The following ATP6V1E2 variants were observed in gnomAD, a reference collection of about 807,000 sequenced individuals.
The protein encoded by ATP6V1E2 is ATPase H+ transporting V1 subunit E2.
For missense variants in ATP6V1E2, 308 were observed against 273.3 expected, an observed-to-expected ratio of 1.13 and a Z score of -0.90; for synonymous variants, 121 against 104.2, an observed-to-expected ratio of 1.16 and a Z score of -0.98.
Position 46,511,977 on chromosome 2 carries a change from A to T in ATP6V1E2, c.*54T>A. The T allele has an allele frequency of 1.3e-6, 2 of 1,498,956 alleles. No individual in the cohort carries two copies. The highest frequency in any genetic ancestry group is 1.8e-6 in the Non-Finnish European group (2 of 1,122,152). 92.9% of individuals were successfully genotyped at this position (1,498,956 alleles called of 1,614,324 possible). On this transcript the variant is annotated 3_prime_UTR_variant, in exon 5 of 5. Transcript: ENST00000522587. Reference sequence around the variant, plus strand: ...ACACTACTAGTTTCCTTTCCCCAAAAAACTTAAACTTTTATGGTTTAGTGG... The same window carrying T: ...ACACTACTAGTTTCCTTTCCCCAAATAACTTAAACTTTTATGGTTTAGTGG...
At chr2:46,517,220 C>A (rs1273332510) in intron 4 of ATP6V1E2, among the ~76,000 whole-genome samples, 1 of 152,120 alleles carries the variant, frequency 6.6e-6, no homozygotes, top group Non-Finnish European at 1.5e-5. Context: ...GGTGCCAAGA[C>A]TACATAATGG....
chr2:46,531,333 T>G (rs1667171510), intron 4 of ATP6V1E2, among the ~76,000 whole-genome samples: 1 of 152,218 alleles, frequency 6.6e-6, no homozygotes, highest in South Asian at 2.1e-4. Flanking sequence ...TTTTTGAGAT[T>G]CATCCACATT....
At chr2:46,518,903 G>T (rs1666459646) in intron 4 of ATP6V1E2, 1 of 151,954 alleles carries the variant, frequency 6.6e-6, no homozygotes, top group Admixed American at 6.6e-5. Flanking sequence ...GAAGCCCCAG[G>T]TTACGTGTAT....
At chr2:46,540,635 TTTTTTA>T (rs1667702134) in intron 2 of ATP6V1E2, among the ~76,000 whole-genome samples, 1 of 114,904 alleles carries the variant, frequency 8.7e-6, no homozygotes, top group South Asian at 2.7e-4. Flanking sequence ...TTTTTTTTTT[TTTTTTA>T]CCACTTGGAC....
At chr2:46,540,077 G>A (rs558803589) in intron 2 of ATP6V1E2, among the ~76,000 whole-genome samples, 5 of 152,144 alleles carry the variant, frequency 3.3e-5, no homozygotes, top group Non-Finnish European at 5.9e-5. Context: ...AATGAATTAA[G>A]TATGAGAGGA....
rs1572695333 is a variant in ATP6V1E2 at position 46,512,688 on chromosome 2, C to A, written c.24G>T (p.Val8=). The change falls in exon 5 of 5, where the codon GTG becomes GTT. Residue 8 remains valine, a synonymous_variant. Transcript: ENST00000522587. MALSDVD[V]KKQIKHMMAF... The stretch of plus-strand genomic sequence containing the variant: ...CCATCATGTGCTTAATCTGCTTTTT[C>A]ACATCGACATCACTCAGGGCCATGG... 3.1e-6 allele frequency: 5 copies of A among 1,613,382 alleles called. No homozygotes were observed. Among genetic ancestry groups the A allele is most frequent in the Non-Finnish European group, 4.2e-6 (5 of 1,179,814 alleles).
chr2:46,519,814 C>T (rs1200902376), intron 4 of ATP6V1E2: 1 of 152,168 alleles, frequency 6.6e-6, no homozygotes, highest in Non-Finnish European at 1.5e-5. Context: ...TGATTTAGGC[C>T]TCACTCTTCA....
chr2:46,539,780 T>G (rs1488327908), intron 2 of ATP6V1E2, among the ~76,000 whole-genome samples: 1 of 152,244 alleles, frequency 6.6e-6, no homozygotes, highest in East Asian at 1.9e-4. Flanking sequence ...ATTCTTACCT[T>G]ACTCCCATTA....
At chr2:46,527,628 AG>A in intron 4 of ATP6V1E2, among the ~76,000 whole-genome samples, 1 of 152,178 alleles carries the variant, frequency 6.6e-6, no homozygotes, top group Admixed American at 6.5e-5. Context: ...AGCCTCCCAA[AG>A]TGCTGGGATT....
chr2:46,542,039 T>C (rs1418631363), intron 1 of ATP6V1E2, 178 bp downstream of exon 1: 3 of 152,060 alleles, frequency 2.0e-5, no homozygotes, highest in Admixed American at 2.0e-4. Flanking sequence ...CTTCAGTGGT[T>C]CAACACGCTG....
At position 46,540,613 on chromosome 2, in the gene ATP6V1E2, C is replaced by CTTT. The variant is rs59810518; in HGVS notation, c.-310+774_-310+776dup. ...TGAAATTTGAGAGCTTTTTCTGTAACTTTTTTTTTTTTTTTTTTTTTTTTT... is the reference window on the plus strand; with the variant it reads ...TGAAATTTGAGAGCTTTTTCTGTAACTTTTTTTTTTTTTTTTTTTTTTTTTTTT... On this transcript the variant is annotated intron_variant, in intron 2 of 4. Coordinates refer to ENST00000522587, the MANE Select transcript of ATP6V1E2 (RefSeq NM_001318063.2). Among the ~76,000 whole-genome samples the CTTT allele has an allele frequency of 5.2e-3, 598 of 115,562 alleles. 18 individuals are homozygous for CTTT. Among genetic ancestry groups the CTTT allele is most frequent in the Middle Eastern group, 9.8e-3 (2 of 204 alleles). 75.8% of individuals were successfully genotyped at this position (115,562 alleles called of 152,430 possible).
rs1452203345 is a variant in ATP6V1E2 at position 46,512,807 on chromosome 2, T to C, written c.-96A>G. ...CAGGAGTGTCTCTGGAGTTCCACTT[T>C]CTCAGCTATACCAGTGAACAAGAGG... On this transcript the variant is annotated 5_prime_UTR_variant, in exon 5 of 5. Transcript: ENST00000522587. 9.4e-7 allele frequency: 1 copy of C among 1,060,844 alleles called. No individual in the cohort carries two copies. Among genetic ancestry groups the C allele is most frequent in the East Asian group, 2.5e-5 (1 of 39,706 alleles). 65.7% of individuals were successfully genotyped at this position (1,060,844 alleles called of 1,614,324 possible).
chr2:46,522,312 C>T (rs1194104254), intron 4 of ATP6V1E2, among the ~76,000 whole-genome samples: 3 of 149,968 alleles, frequency 2.0e-5, no homozygotes, highest in Non-Finnish European at 3.0e-5. Flanking sequence ...AATGGCAGAA[C>T]GTGCAGGTTT....
intron 4 of ATP6V1E2, among the ~76,000 whole-genome samples, chr2:46,532,031 G>T (rs376746619): frequency 2.0e-5 from 3 of 152,232 alleles, no homozygotes; most frequent in African/African-American, 7.2e-5. Context: ...GAAAAGTTTT[G>T]TAATTTTTAT....
At chr2:46,538,177 C>G (rs966907718) in intron 2 of ATP6V1E2, among the ~76,000 whole-genome samples, 3 of 152,164 alleles carry the variant, frequency 2.0e-5, no homozygotes, top group African/African-American at 7.2e-5. Context: ...TGTGATCTGT[C>G]TCCTCCTGGC....
intron 4 of ATP6V1E2, among the ~76,000 whole-genome samples, chr2:46,527,427 T>A (rs1356300234): frequency 2.6e-5 from 4 of 152,174 alleles, no homozygotes; most frequent in African/African-American, 4.8e-5. Flanking sequence ...TTCACCATGT[T>A]AGCCAGGATG....
intron 4 of ATP6V1E2, among the ~76,000 whole-genome samples, chr2:46,524,284 C>A (rs1323313896): frequency 6.6e-6 from 1 of 151,880 alleles, no homozygotes; most frequent in South Asian, 2.1e-4. Context: ...CCATGGGTAA[C>A]AACAGAACAC....
At position 46,518,786 on chromosome 2, in the gene ATP6V1E2, G is replaced by C. The variant is rs867111652; in HGVS notation, c.-101-5974C>G. Among the ~76,000 whole-genome samples, 63 of 60,828 alleles carry C rather than the reference G, an allele frequency of 1.0e-3. 2 individuals carry two copies. In the South Asian group the frequency reaches 0.042, roughly 41 times the overall value. 39.9% of individuals were successfully genotyped at this position (60,828 alleles called of 152,430 possible). A position where few individuals can be genotyped will look rare whatever the true frequency, so the allele number is the denominator to read the frequency against. On this transcript the variant is annotated intron_variant, in intron 4 of 4. Coordinates refer to ENST00000522587, the MANE Select transcript of ATP6V1E2 (RefSeq NM_001318063.2). The stretch of plus-strand genomic sequence containing the variant: ...TGTGTGTGTGTGTGTGTGTGTGTGT[G>C]TGTGTGTGTGTGTGTGTGTGTGTGT...
chr2:46,515,772 G>A (rs1460996803), intron 4 of ATP6V1E2, among the ~76,000 whole-genome samples: 1 of 152,168 alleles, frequency 6.6e-6, no homozygotes, highest in Non-Finnish European at 1.5e-5. Flanking sequence ...CTTACTATTT[G>A]CTGTCTACAA....
Sources: gnomAD v4.1 joint callset for allele counts (sites outside exome capture counted in the v4.1 genomes callset) on GRCh38, gnomAD v4.1.1 for gene constraint, MANE v1.5 for transcripts, NCBI Gene and HGNC (gene_info 2026-07-23, HGNC 2026-07-21) for gene names.